TMEM132B: variants seen among roughly 807,000 people sequenced by gnomAD.
TMEM132B encodes transmembrane protein 132B.
In TMEM132B, 18 loss-of-function variants were observed where a neutral mutation model predicts 90.8. The observed-to-expected ratio is 0.20, with a 90% confidence interval of 0.14 to 0.29. TMEM132B has a LOEUF of 0.29. Ranked by LOEUF, TMEM132B falls within the 10% of genes least tolerant of loss-of-function variation. The pLI, the probability that TMEM132B is intolerant of heterozygous loss-of-function variation, is 1.00. For synonymous variants in TMEM132B, 504 were observed against 523.3 expected (o/e 0.96, Z 0.50); for missense variants, 1,096 against 1,326.8 (o/e 0.83, Z 2.70).
intron 4 of TMEM132B, among the ~76,000 whole-genome samples, chr12:125,561,876 T>C (rs539100947): frequency 2.0e-5 from 3 of 152,282 alleles, no homozygotes; most frequent in African/African-American, 4.8e-5. Flanking sequence ...GAATGGTAAA[T>C]GAGCACTGGC....
chr12:125,330,120 G>A (rs1876719345), intron 1 of TMEM132B, among the ~76,000 whole-genome samples: 3 of 152,174 alleles, frequency 2.0e-5, no homozygotes, highest in African/African-American at 7.2e-5. Flanking sequence ...TGTGGTGTGG[G>A]TGCGTCCCCG....
At chr12:125,205,807 AG>A (rs1407817280) in intron 1 of TMEM132B, among the ~76,000 whole-genome samples, 1 of 152,234 alleles carries the variant, frequency 6.6e-6, no homozygotes, top group Admixed American at 6.5e-5. Context: ...ACTCATTAGC[AG>A]CCAGCCCATA....
intron 1 of TMEM132B, among the ~76,000 whole-genome samples, chr12:125,279,181 T>C (rs1441308078): frequency 1.3e-5 from 2 of 152,224 alleles, no homozygotes; most frequent in Admixed American, 1.3e-4. Context: ...TCATCTGTGA[T>C]TGGCTGACTC....
chr12:125,430,879 A>G (rs1224127833), intron 3 of TMEM132B, among the ~76,000 whole-genome samples: 1 of 152,170 alleles, frequency 6.6e-6, no homozygotes, highest in African/African-American at 2.4e-5. Flanking sequence ...TCTGCTTCAG[A>G]TAAGGCGGTC....
chr12:125,527,324 TC>T (rs1883507621), intron 4 of TMEM132B, among the ~76,000 whole-genome samples: 1 of 113,284 alleles, frequency 8.8e-6, no homozygotes, highest in Non-Finnish European at 1.7e-5. Context: ...CATCCACCCA[TC>T]CACCCATCCA....
chr12:125,248,867 C>A (rs2136100324), intron 1 of TMEM132B, among the ~76,000 whole-genome samples: 1 of 152,268 alleles, frequency 6.6e-6, no homozygotes, highest in African/African-American at 2.4e-5. Flanking sequence ...AGGGTCCGCA[C>A]CAACATGTCC....
chr12:125,435,288 A>G (rs1033051124), intron 3 of TMEM132B, among the ~76,000 whole-genome samples: 1 of 152,188 alleles, frequency 6.6e-6, no homozygotes, highest in Non-Finnish European at 1.5e-5. Flanking sequence ...TTGATGTCCA[A>G]AGAAGGCAGA....
At chr12:125,239,247 G>A (rs1199442297) in intron 1 of TMEM132B, among the ~76,000 whole-genome samples, 2 of 152,110 alleles carry the variant, frequency 1.3e-5, no homozygotes. Flanking sequence ...GCCAGGCCAG[G>A]GGGTTCTGTG....
At chr12:125,604,986 G>T (rs143769067) in intron 5 of TMEM132B, among the ~76,000 whole-genome samples, 1 of 152,294 alleles carries the variant, frequency 6.6e-6, no homozygotes, top group East Asian at 1.9e-4. Flanking sequence ...ACTGTTTGGG[G>T]GTGACAGAAG....
chr12:125,507,739 TA>T (rs1882881266), intron 3 of TMEM132B, among the ~76,000 whole-genome samples: 1 of 152,142 alleles, frequency 6.6e-6, no homozygotes, highest in Admixed American at 6.5e-5. Context: ...GGGCCGGGTA[TA>T]GATTCTTGTA....
intron 4 of TMEM132B, among the ~76,000 whole-genome samples, chr12:125,530,022 C>G (rs1318706007): frequency 6.6e-6 from 1 of 152,168 alleles, no homozygotes; most frequent in East Asian, 1.9e-4. Context: ...GAGCGAGACC[C>G]TGTCTGTAAC....
chr12:125,399,900 A>G (rs866176388), intron 2 of TMEM132B, among the ~76,000 whole-genome samples: 106 of 152,310 alleles, frequency 7.0e-4, no homozygotes, highest in African/African-American at 2.4e-3. Flanking sequence ...GGCATAGGCA[A>G]ACAGGTTGAG....
At chr12:125,187,108 G>T (rs1037818705) in intron 1 of TMEM132B, among the ~76,000 whole-genome samples, 2 of 152,176 alleles carry the variant, frequency 1.3e-5, no homozygotes, top group Admixed American at 6.5e-5. Flanking sequence ...GGACGCACGG[G>T]GGCCACAGAC....
rs529854556 is a variant in TMEM132B at position 125,535,715 on chromosome 12, G to A, written c.1293+16090G>A. On this transcript the variant is annotated intron_variant, in intron 4 of 8. Transcript: ENST00000682704. ...CAAGAGAGTATTTAGAAAAGACCAA[G>A]AGAGGGGTTGGGGCAGACTTGCCCA... is the stretch of plus-strand genomic sequence containing the variant. Among the ~76,000 whole-genome samples, 5 of 152,320 alleles carry A rather than the reference G, an allele frequency of 3.3e-5. No homozygotes were observed. The South Asian group carries it at 1.0e-3, about 32-fold the overall frequency.
At chr12:125,615,341 A>G (rs1885961370) in intron 5 of TMEM132B, among the ~76,000 whole-genome samples, 1 of 151,906 alleles carries the variant, frequency 6.6e-6, no homozygotes, top group Non-Finnish European at 1.5e-5. Context: ...CTGTCTATCT[A>G]TCTATCTATC....
intron 1 of TMEM132B, among the ~76,000 whole-genome samples, chr12:125,313,056 T>C (rs1345048945): frequency 6.6e-6 from 1 of 151,984 alleles, no homozygotes; most frequent in Non-Finnish European, 1.5e-5. Flanking sequence ...GAGCTGGGAG[T>C]GCGAGTGCCT....
intron 1 of TMEM132B, among the ~76,000 whole-genome samples, chr12:125,288,308 C>CA (rs1453518832): frequency 2.0e-5 from 3 of 151,490 alleles, no homozygotes; most frequent in Non-Finnish European, 4.4e-5. Context: ...ACTAAAAATA[C>CA]AAAAATTAGC....
At chr12:125,525,654 G>C (rs77590773) in intron 4 of TMEM132B, among the ~76,000 whole-genome samples, 8,207 of 152,226 alleles carry the variant, frequency 0.054, 643 homozygotes, top group African/African-American at 0.17. Context: ...GTTGTAGCTG[G>C]ACAGAAGAAG....
intron 3 of TMEM132B, among the ~76,000 whole-genome samples, chr12:125,518,670 C>A (rs1014056501): frequency 6.6e-6 from 1 of 152,220 alleles, no homozygotes; most frequent in African/African-American, 2.4e-5. Context: ...GGGCTCCCTG[C>A]ACATACAAAT....
Sources: allele counts gnomAD v4.1 joint callset (sites outside exome capture counted in the v4.1 genomes callset), GRCh38; gene constraint gnomAD v4.1.1; transcripts MANE v1.5; gene names NCBI Gene and HGNC (gene_info 2026-07-23, HGNC 2026-07-21).